Variants in ZNF462 observed in about 807,000 individuals in gnomAD.
ZNF462 encodes the protein zinc finger protein 462, also known as zinc finger PBX1-interacting protein.
Under a neutral mutation model 201.9 loss-of-function variants are expected in ZNF462, and 10 were observed. The ratio of observed to expected loss-of-function variants is 0.05; its 90% CI spans 0.03 to 0.08. ZNF462 has a LOEUF of 0.08. ZNF462 is among the 10% of genes least tolerant of loss of function. The pLI, the probability that ZNF462 is intolerant of heterozygous loss-of-function variation, is 1.00. For missense variants in ZNF462, 2,523 were observed against 3,168.3 expected (o/e 0.80, Z 4.89); for synonymous variants, 1,227 against 1,193.3 (o/e 1.03, Z -0.58).
Position 107,003,193 on chromosome 9 carries a change from CCA to C in ZNF462, c.7057-98_7057-97del. 2 of 1,516,346 alleles carry C rather than the reference CCA, an allele frequency of 1.3e-6. No homozygotes were observed. The highest frequency in any genetic ancestry group is 1.3e-5 in the South Asian group (1 of 74,890). 93.9% of individuals were successfully genotyped at this position (1,516,346 alleles called of 1,614,324 possible). On this transcript the variant is annotated intron_variant, in intron 10 of 12. Coordinates refer to ENST00000277225, the MANE Select transcript of ZNF462 (RefSeq NM_021224.6). The surrounding 1 kb of genome is among the most constrained non-coding windows in gnomAD (Gnocchi z 4.4). ...GAGTTGTTTGGTCCTGGTTGCAAAA[CCA>C]CAGTCACAGGAAAATGATGTTAGAA...
intron 7 of ZNF462, among the ~76,000 whole-genome samples, chr9:106,951,248 T>G (rs753381650): frequency 9.2e-5 from 14 of 152,244 alleles, no homozygotes; most frequent in Non-Finnish European, 1.8e-4. Context: ...TACTTTTCAC[T>G]GTACTTCTTT....
chr9:106,929,658 G>A lies in ZNF462; in HGVS notation c.5746G>A (p.Glu1916Lys). 3 of 1,614,172 alleles carry A rather than the reference G, an allele frequency of 1.9e-6. No individual in the cohort carries two copies. The highest frequency in any genetic ancestry group is 2.5e-6 in the Non-Finnish European group (3 of 1,180,036). The change falls in exon 3 of 13, where the codon GAG becomes AAG. Residue 1916 changes from glutamate (E) to lysine (K), a missense_variant. Transcript: ENST00000277225. The surrounding 1 kb of genome is among the most constrained non-coding windows in gnomAD (Gnocchi z 8.7). ...ELTSHLNIHN[E>K]EFQKRAKRQE... is the part of the protein sequence containing the mutation. Reference sequence around the variant, plus strand: ...GACCTCACACTTGAACATTCACAATGAGGAATTCCAGAAGCGTGCCAAACG... The same window carrying A: ...GACCTCACACTTGAACATTCACAATAAGGAATTCCAGAAGCGTGCCAAACG...
intron 1 of ZNF462, among the ~76,000 whole-genome samples, chr9:106,879,539 G>A (rs947294956): frequency 6.6e-6 from 1 of 152,072 alleles, no homozygotes; most frequent in Non-Finnish European, 1.5e-5. Context: ...AGACTGGGAG[G>A]AGGAGAAAGG....
chr9:106,991,553 A>G (rs1361369008), intron 10 of ZNF462, among the ~76,000 whole-genome samples: 2 of 151,984 alleles, frequency 1.3e-5, no homozygotes, highest in African/African-American at 4.8e-5. Flanking sequence ...CCTAAAATTT[A>G]TATGGAAATG....
rs547666514 is a variant in ZNF462 at position 106,930,752 on chromosome 9, A to T, written c.6012+63A>T. ...GCGATTCGAGTTACTTATTAACCCC[A>T]TTGCCTAAAGCAGCTCAGGAAAGAG... On this transcript the variant is annotated intron_variant, in intron 4 of 12. Transcript: ENST00000277225. This position sits in a 1 kb window ranked among gnomAD's most constrained non-coding sequence, Gnocchi z 5.8. The T allele has an allele frequency of 4.4e-6, 7 of 1,589,042 alleles. No homozygotes were observed. Among genetic ancestry groups the T allele is most frequent in the Non-Finnish European group, 6.0e-6 (7 of 1,163,372 alleles).
At position 106,970,154 on chromosome 9, in the gene ZNF462, C is replaced by G. The variant is rs1826517347; in HGVS notation, c.6428-1851C>G. On this transcript the variant is annotated intron_variant, in intron 7 of 12. Transcript: ENST00000277225. The surrounding 1 kb of genome is among the most constrained non-coding windows in gnomAD (Gnocchi z 4.2). ...AATAAAGAAAAAGGAGATAAAAGAA[C>G]TGGGTAAAATGAATTCAGTTGTCAT... 1.3e-5 allele frequency among the ~76,000 whole-genome samples: 2 copies of G among 152,192 alleles called. No homozygotes were observed. The highest frequency in any genetic ancestry group is 4.8e-5 in the African/African-American group (2 of 41,452).
chr9:106,921,888 C>G (rs1376764062), intron 1 of ZNF462, among the ~76,000 whole-genome samples: 1 of 152,122 alleles, frequency 6.6e-6, no homozygotes, highest in African/African-American at 2.4e-5. Context: ...TGAAAAGAGT[C>G]TGGTGCACAG....
Position 106,928,160 on chromosome 9 carries a change from C to T in ZNF462, c.4248C>T (p.Pro1416=), listed in dbSNP as rs1470013271. Residue 1416 remains proline (P), a synonymous_variant, in exon 3 of 13, where the codon CCC becomes CCT. Transcript: ENST00000277225. The surrounding 1 kb of genome is among the most constrained non-coding windows in gnomAD (Gnocchi z 9.3). ...AGGAGAAAGATGCTGTGGAGAAGCC[C>T]ATTCTTTCATCCGAAGAGTTGGCAG... The part of the protein sequence containing the change: ...IIKEKDAVEK[P]ILSSEELAGP... 3 of 1,614,004 alleles carry T rather than the reference C, an allele frequency of 1.9e-6. No individual in the cohort carries two copies. The highest frequency in any genetic ancestry group is 2.7e-5 in the African/African-American group (2 of 74,884).
At chr9:106,944,268 G>C (rs1831008653) in intron 7 of ZNF462, among the ~76,000 whole-genome samples, 1 of 152,126 alleles carries the variant, frequency 6.6e-6, no homozygotes, top group Non-Finnish European at 1.5e-5. Flanking sequence ...AGATGATATA[G>C]CGATAAACTG....
intron 7 of ZNF462, among the ~76,000 whole-genome samples, chr9:106,961,621 A>G (rs868713003): frequency 1.3e-5 from 2 of 151,898 alleles, no homozygotes; most frequent in African/African-American, 4.8e-5. Flanking sequence ...ACATCGACTT[A>G]AAACAATTAT....
At position 106,962,833 on chromosome 9, in the gene ZNF462, C is replaced by T. The variant is rs560722423; in HGVS notation, c.6428-9172C>T. Reference sequence around the variant, plus strand: ...ATTCCTATATATAGTCATCCAGCATCCATTGTCCCCCTGGCCATTGTATCA... The same window carrying T: ...ATTCCTATATATAGTCATCCAGCATTCATTGTCCCCCTGGCCATTGTATCA... On this transcript the variant is annotated intron_variant, in intron 7 of 12. Transcript: ENST00000277225. This position sits in a 1 kb window ranked among gnomAD's most constrained non-coding sequence, Gnocchi z 4.6. Among the ~76,000 whole-genome samples, 9 of 152,102 alleles carry T rather than the reference C, an allele frequency of 5.9e-5. No homozygotes were observed. The East Asian group carries it at 1.7e-3, about 30-fold the overall frequency.
Position 106,972,330 on chromosome 9 carries a change from C to T in ZNF462, c.6695+58C>T. 6.4e-7 allele frequency: 1 copy of T among 1,569,150 alleles called. No homozygotes were observed. Among genetic ancestry groups the T allele is most frequent in the South Asian group, 1.2e-5 (1 of 82,144 alleles). ...AGGCGGCCGCCCCTGCTCCACCCCT[C>T]ACTGCAGGCTTCCCTTACACTTTCC... On this transcript the variant is annotated intron_variant, in intron 8 of 12. Transcript: ENST00000277225. This position sits in a 1 kb window ranked among gnomAD's most constrained non-coding sequence, Gnocchi z 4.8.
upstream of ZNF462, among the ~76,000 whole-genome samples, chr9:106,861,749 AG>A (rs1305218245): frequency 6.6e-6 from 1 of 152,058 alleles, no homozygotes; most frequent in Non-Finnish European, 1.5e-5. Context: ...CTGGTGGTGG[AG>A]GGGGGGAACC....
chr9:106,968,019 C>T lies in ZNF462; in HGVS notation c.6428-3986C>T, dbSNP rs1356229187. On this transcript the variant is annotated intron_variant, in intron 7 of 12. Transcript: ENST00000277225. This position sits in a 1 kb window ranked among gnomAD's most constrained non-coding sequence, Gnocchi z 4.0. ...CTTAACTATTTCAACCTTTCTATCA[C>T]TTTCTCTCTTTCCTCTCTACTATGT... Among the ~76,000 whole-genome samples the T allele has an allele frequency of 2.0e-5, 3 of 152,238 alleles. No individual in the cohort carries two copies. Among genetic ancestry groups the T allele is most frequent in the South Asian group, 2.1e-4 (1 of 4,824 alleles).
chr9:106,907,113 C>T (rs1183310626), intron 1 of ZNF462, among the ~76,000 whole-genome samples: 1 of 152,026 alleles, frequency 6.6e-6, no homozygotes, highest in Non-Finnish European at 1.5e-5. Context: ...ATAGATTTTC[C>T]TGTATTGAAA....
At chr9:106,879,744 G>GT (rs1828010219) in intron 1 of ZNF462, among the ~76,000 whole-genome samples, 3 of 152,156 alleles carry the variant, frequency 2.0e-5, no homozygotes, top group Admixed American at 2.0e-4. Context: ...TAATTGCTAT[G>GT]TAACTGGAGA....
In ZNF462 at chr9:106,926,591, C is replaced by T. The variant is rs148630011; in HGVS notation, c.2679C>T (p.Ile893=). 1,557 of 1,614,014 alleles carry T rather than the reference C, an allele frequency of 9.6e-4. 4 individuals are homozygous for T. Among genetic ancestry groups the T allele is most frequent in the Non-Finnish European group, 1.2e-3 (1,436 of 1,180,040 alleles). The part of the protein sequence containing the change: ...SAVYRCLECY[I]DYTNFEDLQQ... ...TGTACAGGTGCCTGGAATGCTACAT[C>T]GATTACACCAACTTCGAAGATCTCC... The change falls in exon 3 of 13, where the codon ATC becomes ATT. Residue 893 remains isoleucine (I), a synonymous_variant. Transcript: ENST00000277225. The surrounding 1 kb of genome is among the most constrained non-coding windows in gnomAD (Gnocchi z 7.9).
At chr9:106,866,530 A>G (rs1461850588) in intron 1 of ZNF462, among the ~76,000 whole-genome samples, 1 of 152,180 alleles carries the variant, frequency 6.6e-6, no homozygotes, top group Non-Finnish European at 1.5e-5. Context: ...GCAGACAAAA[A>G]TGTATGGTTT....
intron 9 of ZNF462, among the ~76,000 whole-genome samples, chr9:106,983,729 A>G (rs2132257598): frequency 6.6e-6 from 1 of 152,314 alleles, no homozygotes; most frequent in African/African-American, 2.4e-5. Context: ...AGGTACCAGA[A>G]CATAGGTGCC....
Sources: gnomAD v4.1 joint callset for allele counts (sites outside exome capture counted in the v4.1 genomes callset) on GRCh38, gnomAD v4.1.1 for gene constraint, Gnocchi (gnomAD v3.1) non-coding constraint, MANE v1.5 for transcripts, NCBI Gene and HGNC (gene_info 2026-07-23, HGNC 2026-07-21) for gene names.